Variants in ACBD6 observed in about 807,000 individuals in gnomAD.
ACBD6 encodes the protein acyl-CoA binding domain containing 6, also known as acyl-CoA-binding domain-containing protein 6.
A neutral mutation model predicts 37.2 loss-of-function variants in ACBD6; 28 were observed. That is an observed-to-expected ratio of 0.75 (90% CI 0.56 to 1.03). ACBD6 has a LOEUF of 1.03. Ranked by LOEUF, ACBD6 falls within the 50% of genes least tolerant of loss-of-function variation. The pLI is 0.00. For synonymous variants in ACBD6, 113 were observed against 126.8 expected (o/e 0.89, Z 0.73); for missense variants, 340 against 337.4 (o/e 1.01, Z -0.06).
At chr1:180,306,258 AAAAC>A (rs895028822) in intron 7 of ACBD6, among the ~76,000 whole-genome samples, 19 of 152,040 alleles carry the variant, frequency 1.2e-4, no homozygotes, top group South Asian at 6.2e-4. Context: ...TAATAAAAAA[AAAAC>A]AAACAAAACC....
chr1:180,326,902 C>T (rs1294719559), intron 6 of ACBD6, among the ~76,000 whole-genome samples: 1 of 152,132 alleles, frequency 6.6e-6, no homozygotes, highest in African/African-American at 2.4e-5. Context: ...CCCTATCCTA[C>T]TGTGGCTGAG....
At chr1:180,425,093 T>G (rs1648530336) in intron 4 of ACBD6, among the ~76,000 whole-genome samples, 1 of 152,166 alleles carries the variant, frequency 6.6e-6, no homozygotes, top group Non-Finnish European at 1.5e-5. Context: ...TTTTCTCCTC[T>G]CTCCAGCCAC....
chr1:180,490,735 G>A (rs1480050690), intron 3 of ACBD6, among the ~76,000 whole-genome samples: 4 of 149,892 alleles, frequency 2.7e-5, no homozygotes, highest in Non-Finnish European at 4.4e-5. Flanking sequence ...ACAGTGAGCC[G>A]AGATTGCGCC....
chr1:180,320,018 C>T (rs1650997940), intron 6 of ACBD6, among the ~76,000 whole-genome samples: 1 of 152,162 alleles, frequency 6.6e-6, no homozygotes, highest in African/African-American at 2.4e-5. Flanking sequence ...GGGGTATATA[C>T]CCAGCAGTGG....
intron 7 of ACBD6, among the ~76,000 whole-genome samples, chr1:180,313,699 A>G (rs895116900): frequency 6.6e-6 from 1 of 152,132 alleles, no homozygotes; most frequent in African/African-American, 2.4e-5. Context: ...TTCACACCCA[A>G]ATAGAATCTT....
chr1:180,472,823 C>G (rs985431391), intron 3 of ACBD6, among the ~76,000 whole-genome samples: 1 of 152,092 alleles, frequency 6.6e-6, no homozygotes. Flanking sequence ...TTAGTTTATG[C>G]TAAGTAATAC....
At chr1:180,500,450 T>C (rs1651916261) in intron 1 of ACBD6, among the ~76,000 whole-genome samples, 2 of 151,984 alleles carry the variant, frequency 1.3e-5, no homozygotes, top group African/African-American at 4.8e-5. Flanking sequence ...CCCAGCACTT[T>C]GGGAGGCCAA....
intron 9 of ACBD6, chr1:180,276,878 TGTAA>T (rs4058059): frequency 0.85 from 128,901 of 151,632 alleles, 55,067 homozygotes; most frequent in East Asian, 0.97. Context: ...TTAAGATCAC[TGTAA>T]GTAAGTTGAC....
chr1:180,327,392 A>G (rs1651296212), intron 6 of ACBD6, among the ~76,000 whole-genome samples: 1 of 152,116 alleles, frequency 6.6e-6, no homozygotes, highest in South Asian at 2.1e-4. Flanking sequence ...CTGCTGCGGG[A>G]TTGAGAAGGG....
At chr1:180,442,559 A>T (rs1315428528) in intron 3 of ACBD6, among the ~76,000 whole-genome samples, 1 of 152,096 alleles carries the variant, frequency 6.6e-6, no homozygotes, top group African/African-American at 2.4e-5. Context: ...GTCTTCTCTC[A>T]CTTTTTTTCT....
At chr1:180,313,923 C>A (rs1355822852) in intron 7 of ACBD6, among the ~76,000 whole-genome samples, 1 of 152,168 alleles carries the variant, frequency 6.6e-6, no homozygotes, top group Non-Finnish European at 1.5e-5. Flanking sequence ...AAGCAGCTCT[C>A]TAAGAGCCAT....
chr1:180,307,013 CA>C (rs1380844307), intron 7 of ACBD6, among the ~76,000 whole-genome samples: 5 of 152,110 alleles, frequency 3.3e-5, no homozygotes, highest in African/African-American at 1.2e-4. Context: ...GGTATATACC[CA>C]AAAGAAAGGA....
chr1:180,334,072 A>G (rs983699569), intron 6 of ACBD6, among the ~76,000 whole-genome samples: 10 of 152,328 alleles, frequency 6.6e-5, no homozygotes, highest in Middle Eastern at 3.4e-3. Flanking sequence ...CTGCCTCTGT[A>G]GACTCCACCT....
At chr1:180,458,697 C>T (rs1365007121) in intron 3 of ACBD6, among the ~76,000 whole-genome samples, 2 of 152,014 alleles carry the variant, frequency 1.3e-5, no homozygotes, top group African/African-American at 4.8e-5. Context: ...AGTTGAGGGG[C>T]AATGAAAAGT....
intron 7 of ACBD6, among the ~76,000 whole-genome samples, chr1:180,300,492 T>TA (rs1650090286): frequency 6.6e-6 from 1 of 152,194 alleles, no homozygotes; most frequent in Non-Finnish European, 1.5e-5. Flanking sequence ...AACCCACTCC[T>TA]ATAAGTGATT....
intron 6 of ACBD6, among the ~76,000 whole-genome samples, chr1:180,374,072 T>TA (rs1208165170): frequency 6.6e-6 from 1 of 152,176 alleles, no homozygotes; most frequent in Non-Finnish European, 1.5e-5. Flanking sequence ...GGCACATCCT[T>TA]AGTGCAAAAA....
chr1:180,358,256 G>A (rs868849781), intron 6 of ACBD6, among the ~76,000 whole-genome samples: 14 of 152,104 alleles, frequency 9.2e-5, no homozygotes, highest in South Asian at 6.2e-4. Flanking sequence ...GTGAAACCCT[G>A]TCTCTACTAA....
intron 5 of ACBD6, among the ~76,000 whole-genome samples, chr1:180,404,306 CAT>C (rs1223764929): frequency 2.6e-5 from 4 of 152,012 alleles, no homozygotes; most frequent in African/African-American, 9.7e-5. Context: ...GGTGGTTACA[CAT>C]GTGAATGTAT....
At position 180,435,741 on chromosome 1, in the gene ACBD6, C is replaced by T. The variant is rs190780265; in HGVS notation, c.385-5479G>A. ...GCCTGGACAGCAGGAAACAGTAACA[C>T]GCACTTCAGAATAGCAGCCAAGTAT... On this transcript the variant is annotated intron_variant, in intron 3 of 7. Transcript: ENST00000367595. 1,455 of 842,968 alleles carry T rather than the reference C, an allele frequency of 1.7e-3. 3 individuals are homozygous for T. The highest frequency in any genetic ancestry group is 4.5e-3 in the South Asian group (342 of 75,876). 52.2% of individuals were successfully genotyped at this position (842,968 alleles called of 1,614,324 possible). A position where few individuals can be genotyped will look rare whatever the true frequency, so the allele number is the denominator to read the frequency against.
Sources: allele counts gnomAD v4.1 joint callset (sites outside exome capture counted in the v4.1 genomes callset), GRCh38; gene constraint gnomAD v4.1.1; transcripts MANE v1.5; gene names NCBI Gene and HGNC (gene_info 2026-07-23, HGNC 2026-07-21).